The following ENTPD6 variants were observed in gnomAD, a reference collection of about 807,000 sequenced individuals.
The protein encoded by ENTPD6 is CD39 antigen-like 2.
A neutral mutation model predicts 61.5 loss-of-function variants in ENTPD6; 46 were observed. The ratio of observed to expected loss-of-function variants is 0.75; its 90% CI spans 0.59 to 0.96. The LOEUF (loss-of-function observed/expected upper bound fraction) is 0.96, where lower values mean the gene tolerates loss of function less well. Ranked by LOEUF, ENTPD6 falls within the 40% of genes least tolerant of loss-of-function variation. The pLI is 0.00. For synonymous variants in ENTPD6, 252 were observed against 255.5 expected, an observed-to-expected ratio of 0.99 and a Z score of 0.13; for missense variants, 612 against 629.0, an observed-to-expected ratio of 0.97 and a Z score of 0.29.
In ENTPD6 at chr20:25,209,844, C is replaced by T. The variant is rs200908979; in HGVS notation, c.377-5C>T. On this transcript the variant is annotated splice_region_variant and splice_polypyrimidine_tract_variant and intron_variant, in intron 3 of 14. Transcript: ENST00000376652. ...TGTACCCTTTTCAACATGTTTTCCC[C>T]TTAGAAACTCCCACGTTAACCCACG... 12 of 1,612,992 alleles carry T rather than the reference C, an allele frequency of 7.4e-6. No individual in the cohort carries two copies. Among genetic ancestry groups the T allele is most frequent in the African/African-American group, 1.3e-5 (1 of 74,908 alleles).
At chr20:25,206,726 G>A in intron 2 of ENTPD6, 136 bp downstream of exon 2, 1 of 740,638 alleles carries the variant, frequency 1.4e-6, no homozygotes, top group African/African-American at 1.8e-5. Context: ...GAACAGTTTG[G>A]GAACACCATT....
At chr20:25,197,303 C>T in intron 1 of ENTPD6, 2 of 926,666 alleles carry the variant, frequency 2.2e-6, no homozygotes, top group South Asian at 9.9e-5. Context: ...GCTCTACCCT[C>T]AGATTCTCTT....
In ENTPD6 at chr20:25,216,743, A is replaced by G; in HGVS notation, c.798+7A>G. ...CTTCCTGCCACGCGTGGAGGTAACA[A>G]GCCCTGCCGACCACAGCGCTCTTTC... On this transcript the variant is annotated splice_region_variant and intron_variant, in intron 8 of 14. Transcript: ENST00000376652. 1.4e-6 allele frequency: 2 copies of G among 1,467,100 alleles called. No individual in the cohort carries two copies. Among genetic ancestry groups the G allele is most frequent in the South Asian group, 2.4e-5 (2 of 84,838 alleles). 90.9% of individuals were successfully genotyped at this position (1,467,100 alleles called of 1,614,324 possible).
At position 25,213,525 on chromosome 20, in the gene ENTPD6, A is replaced by G. The variant is rs1285771271; in HGVS notation, c.597+119A>G. 2.8e-6 allele frequency: 3 copies of G among 1,062,348 alleles called. No individual in the cohort carries two copies. In the African/African-American group the frequency reaches 4.8e-5, roughly 17 times the overall value. The allele number at this position is 1,062,348 out of a possible 1,614,324, so 65.8% of individuals were successfully genotyped here. On this transcript the variant is annotated intron_variant, in intron 5 of 14. Transcript: ENST00000376652. Reference sequence around the variant, plus strand: ...GCAGGACACAGATGCTTCTGAAGAAAAGTTTGCAGCATCACTTTTAGGTGG... The same window carrying G: ...GCAGGACACAGATGCTTCTGAAGAAGAGTTTGCAGCATCACTTTTAGGTGG...
At chr20:25,214,099 T>A (rs2092158501) in intron 5 of ENTPD6, among the ~76,000 whole-genome samples, 1 of 152,224 alleles carries the variant, frequency 6.6e-6, no homozygotes, top group South Asian at 2.1e-4. Context: ...CAGACGTGAC[T>A]GTCGAAGGGA....
chr20:25,207,070 C>CG lies in ENTPD6; in HGVS notation c.55-6_55-5insG. The CG allele has an allele frequency of 8.2e-6, 13 of 1,594,380 alleles. No individual in the cohort carries two copies. The highest frequency in any genetic ancestry group is 1.1e-5 in the Non-Finnish European group (13 of 1,165,588). ...GCTTTTCCTGCCTCTCCCCCCTTCC[C>CG]ACCAGCAGCCGCAGCACGGTCCTTG... On this transcript the variant is annotated splice_region_variant and splice_polypyrimidine_tract_variant and intron_variant, in intron 2 of 14. Coordinates refer to ENST00000376652, the MANE Select transcript of ENTPD6 (RefSeq NM_001247.5).
At chr20:25,222,680 G>C in intron 11 of ENTPD6, 158 bp from the exon 12 acceptor site, 1 of 918,720 alleles carries the variant, frequency 1.1e-6, no homozygotes, top group Non-Finnish European at 1.6e-6. Context: ...CCTGTGCGGG[G>C]AGCAGCCCCA....
chr20:25,224,237 C>G (rs1324827921), intron 13 of ENTPD6, 80 bp downstream of exon 13: 37 of 1,329,496 alleles, frequency 2.8e-5, no homozygotes, highest in Admixed American at 3.8e-5. Flanking sequence ...CCCTGACTCT[C>G]CTGGGTGTAG....
Position 25,225,831 on chromosome 20 carries a change from G to C in ENTPD6, c.*234G>C. 2.0e-6 allele frequency: 1 copy of C among 509,988 alleles called. No individual in the cohort carries two copies. The highest frequency in any genetic ancestry group is 2.6e-5 in the South Asian group (1 of 39,154). The allele number at this position is 509,988 out of a possible 1,614,324, so 31.6% of individuals were successfully genotyped here. A position where few individuals can be genotyped will look rare whatever the true frequency, so the allele number is the denominator to read the frequency against. On this transcript the variant is annotated 3_prime_UTR_variant, in exon 15 of 15. Coordinates refer to ENST00000376652, the MANE Select transcript of ENTPD6 (RefSeq NM_001247.5). Reference sequence around the variant, plus strand: ...CCTGCTCAATGCCACCTGTCTGCCTGGGCTCCAAGTGGGCAGGACCAGGAC... The same window carrying C: ...CCTGCTCAATGCCACCTGTCTGCCTCGGCTCCAAGTGGGCAGGACCAGGAC...
intron 11 of ENTPD6, 36 bp downstream of exon 11, chr20:25,221,369 G>T (rs1276666731): frequency 1.3e-6 from 2 of 1,515,456 alleles, no homozygotes; most frequent in African/African-American, 1.4e-5. Flanking sequence ...GTTTCTGCGG[G>T]TGAGAGTGGT....
intron 13 of ENTPD6, 71 bp from the exon 14 acceptor site, chr20:25,225,134 G>A (rs1042781256): frequency 1.3e-6 from 2 of 1,543,206 alleles, no homozygotes; most frequent in Admixed American, 3.9e-5. Context: ...GGTGGAATTG[G>A]GGTCTGCACT....
At position 25,207,131 on chromosome 20, in the gene ENTPD6, G is replaced by T; in HGVS notation, c.110G>T (p.Ser37Ile). The T allele has an allele frequency of 1.2e-6, 2 of 1,613,854 alleles. No individual in the cohort carries two copies. Among genetic ancestry groups the T allele is most frequent in the Non-Finnish European group, 1.7e-6 (2 of 1,179,788 alleles). The change falls in exon 3 of 15, where the codon AGC becomes ATC. Residue 37 changes from serine (S) to isoleucine (I), a missense_variant. Physicochemically the swap from Ser to Ile is moderately radical, Grantham distance 142. Coordinates refer to ENST00000376652, the MANE Select transcript of ENTPD6 (RefSeq NM_001247.5). Reference protein sequence around the residue: ...TRMRKISNHGSLRVAKVAYPL... With the variant: ...TRMRKISNHGILRVAKVAYPL... ...ATGAGAAAAATATCCAACCACGGGAGCCTGCGGGTGGCGAAGGTGGCATAC... is the reference window on the plus strand; with the variant it reads ...ATGAGAAAAATATCCAACCACGGGATCCTGCGGGTGGCGAAGGTGGCATAC...
intron 3 of ENTPD6, among the ~76,000 whole-genome samples, chr20:25,207,984 ACCCTCTT>A (rs1010618750): frequency 1.3e-5 from 2 of 151,798 alleles, no homozygotes; most frequent in Non-Finnish European, 2.9e-5. Flanking sequence ...CTCTCCAACC[ACCCTCTT>A]CCCTTGGTTC....
chr20:25,200,462 CT>C (rs748284836), intron 1 of ENTPD6, among the ~76,000 whole-genome samples: 4 of 151,398 alleles, frequency 2.6e-5, no homozygotes, highest in South Asian at 4.2e-4. Context: ...CTTTTATTGC[CT>C]GTGCTTTTGG....
At chr20:25,213,647 T>C (rs1001907889) in intron 5 of ENTPD6, among the ~76,000 whole-genome samples, 2 of 152,114 alleles carry the variant, frequency 1.3e-5, no homozygotes, top group Non-Finnish European at 2.9e-5. Context: ...GAAAGCAACT[T>C]GATTTTAGAA....
At chr20:25,224,039 C>A (rs899787013) in intron 12 of ENTPD6, 62 bp from the exon 13 acceptor site, 5 of 1,515,300 alleles carry the variant, frequency 3.3e-6, no homozygotes, top group Non-Finnish European at 4.5e-6. Flanking sequence ...GCCAGCCTCA[C>A]GTCTCAGTGG....
intron 10 of ENTPD6, among the ~76,000 whole-genome samples, chr20:25,220,519 C>G (rs913136388): frequency 6.6e-6 from 1 of 152,186 alleles, no homozygotes; most frequent in Non-Finnish European, 1.5e-5. Context: ...CGCTGGGGTC[C>G]TGAGGGTCTG....
chr20:25,197,754 GCT>G (rs1434538888), intron 1 of ENTPD6, among the ~76,000 whole-genome samples: 2 of 152,208 alleles, frequency 1.3e-5, no homozygotes, highest in Non-Finnish European at 2.9e-5. Flanking sequence ...CTGGTTCTGT[GCT>G]CTCTCAGTAC....
intron 4 of ENTPD6, among the ~76,000 whole-genome samples, chr20:25,211,047 T>TAGC (rs2091929134): frequency 6.6e-6 from 1 of 152,266 alleles, no homozygotes; most frequent in African/African-American, 2.4e-5. Context: ...TTGCTACTTC[T>TAGC]ATCTAAAGTC....
Sources: allele counts gnomAD v4.1 joint callset (sites outside exome capture counted in the v4.1 genomes callset), GRCh38; gene constraint gnomAD v4.1.1; transcripts MANE v1.5; gene names NCBI Gene and HGNC (gene_info 2026-07-23, HGNC 2026-07-21).